KCNQ5: variants seen among roughly 807,000 people sequenced by gnomAD.
The protein encoded by KCNQ5 is potassium voltage-gated channel subfamily KQT member 5.
A neutral mutation model predicts 98.2 loss-of-function variants in KCNQ5; 30 were observed. That is an observed-to-expected ratio of 0.31 (90% CI 0.23 to 0.41). The LOEUF (loss-of-function observed/expected upper bound fraction) is 0.41, where lower values mean the gene tolerates loss of function less well. Among genes scored for constraint, KCNQ5 ranks in the 10% least tolerant of loss-of-function variants. The pLI, the probability that KCNQ5 is intolerant of heterozygous loss-of-function variation, is 1.00. For synonymous variants in KCNQ5, 458 were observed against 449.4 expected, an observed-to-expected ratio of 1.02 and a Z score of -0.24; for missense variants, 835 against 1,182.5, an observed-to-expected ratio of 0.71 and a Z score of 4.31.
At chr6:72,716,618 A>C (rs73537781) in intron 1 of KCNQ5, among the ~76,000 whole-genome samples, 16,107 of 152,228 alleles carry the variant, frequency 0.11, 1,515 homozygotes, top group African/African-American at 0.25. Context: ...CTTTTTACAC[A>C]GGTAAGACTG....
intron 1 of KCNQ5, among the ~76,000 whole-genome samples, chr6:72,867,749 G>A (rs1778045095): frequency 1.3e-5 from 2 of 151,488 alleles, no homozygotes; most frequent in African/African-American, 2.4e-5. Flanking sequence ...ACCAGCCTGA[G>A]CAACATGGCA....
rs1242801378 is a variant in KCNQ5, at chr6:72,680,181, C to G, written c.398+57594C>G. 2.0e-5 allele frequency among the ~76,000 whole-genome samples: 3 copies of G among 152,184 alleles called. No individual in the cohort carries two copies. In the East Asian group the frequency reaches 5.8e-4, roughly 29 times the overall value. On this transcript the variant is annotated intron_variant, in intron 1 of 13. Transcript: ENST00000370398. ...GAAGCCTCCTTGTCCATAAGCAGTA[C>G]TCTCCATCCCCTACCACCACCCCTT...
At chr6:72,802,542 C>T (rs1774715815) in intron 1 of KCNQ5, among the ~76,000 whole-genome samples, 1 of 152,110 alleles carries the variant, frequency 6.6e-6, no homozygotes, top group African/African-American at 2.4e-5. Flanking sequence ...CAAAGCAAAA[C>T]CCAACCTCAT....
intron 1 of KCNQ5, among the ~76,000 whole-genome samples, chr6:72,750,152 C>T (rs1771604453): frequency 6.6e-6 from 1 of 151,980 alleles, no homozygotes; most frequent in African/African-American, 2.4e-5. Flanking sequence ...AATCTGGCCA[C>T]AATGTGAGTC....
intron 12 of KCNQ5, 126 bp downstream of exon 12, chr6:73,190,830 ATTTGCTTTAAACATTGATTTTAT>A: frequency 1.1e-5 from 6 of 532,880 alleles, no homozygotes; most frequent in Admixed American, 3.5e-5. Context: ...GGCAAATGGA[ATTTGCTTTAAACATTGATTTTAT>A]TTTGCTTTTA....
chr6:73,134,673 G>C (rs1311600225), intron 10 of KCNQ5: 1 of 152,480 alleles, frequency 6.6e-6, no homozygotes, highest in African/African-American at 2.4e-5. Flanking sequence ...CCACACCCCT[G>C]TGGGTGCCAT....
intron 1 of KCNQ5, among the ~76,000 whole-genome samples, chr6:72,772,450 C>A (rs1480401265): frequency 6.6e-6 from 1 of 151,864 alleles, no homozygotes; most frequent in East Asian, 1.9e-4. Context: ...GCTTTATACA[C>A]TAAGAAGAGA....
At chr6:72,910,155 A>T (rs867736309) in intron 1 of KCNQ5, among the ~76,000 whole-genome samples, 1 of 152,198 alleles carries the variant, frequency 6.6e-6, no homozygotes, top group African/African-American at 2.4e-5. Flanking sequence ...TTGCAGGAAT[A>T]CTATTTAACC....
Position 72,729,810 on chromosome 6 carries a change from A to G in KCNQ5, c.398+107223A>G, listed in dbSNP as rs367711960. Among the ~76,000 whole-genome samples, 6 of 152,200 alleles carry G rather than the reference A, an allele frequency of 3.9e-5. No homozygotes were observed. The East Asian group carries it at 1.2e-3, about 29-fold the overall frequency. ...GAAGTTTTTGCATTTTTCTAAACAA[A>G]TTTACTTTCTTATACTGGGCCTATA... is the stretch of plus-strand genomic sequence containing the variant. On this transcript the variant is annotated intron_variant, in intron 1 of 13. Transcript: ENST00000370398.
chr6:72,785,144 G>A (rs1001118743), intron 1 of KCNQ5, among the ~76,000 whole-genome samples: 8 of 152,158 alleles, frequency 5.3e-5, no homozygotes, highest in Admixed American at 2.6e-4. Context: ...CTCTTATATC[G>A]TTGAAGACAA....
At chr6:73,078,608 C>A (rs1254081598) in intron 5 of KCNQ5, among the ~76,000 whole-genome samples, 2 of 152,258 alleles carry the variant, frequency 1.3e-5, no homozygotes, top group South Asian at 2.1e-4. Context: ...ATATTGAAAT[C>A]AATGTGCAAA....
At chr6:72,986,695 G>A in intron 1 of KCNQ5, 1 of 1,156,378 alleles carries the variant, frequency 8.6e-7, no homozygotes, top group Non-Finnish European at 1.3e-6. Context: ...TCTGTGGGGA[G>A]AAGAAAAAGA....
At chr6:72,643,996 G>T (rs555954372) in intron 1 of KCNQ5, among the ~76,000 whole-genome samples, 1 of 151,920 alleles carries the variant, frequency 6.6e-6, no homozygotes, top group East Asian at 1.9e-4. Flanking sequence ...GTATGACATG[G>T]TATAGCATGA....
At chr6:72,808,840 T>C (rs1775082988) in intron 1 of KCNQ5, among the ~76,000 whole-genome samples, 1 of 152,052 alleles carries the variant, frequency 6.6e-6, no homozygotes, top group South Asian at 2.1e-4. Flanking sequence ...TGGTGATTCC[T>C]CAGGGATCTA....
At chr6:73,034,686 G>C (rs1771309782) in intron 2 of KCNQ5, among the ~76,000 whole-genome samples, 1 of 152,112 alleles carries the variant, frequency 6.6e-6, no homozygotes, top group Admixed American at 6.5e-5. Context: ...TGGTACAGCA[G>C]AGTTATATGT....
intron 1 of KCNQ5, among the ~76,000 whole-genome samples, chr6:72,916,299 C>G (rs1450472454): frequency 9.2e-5 from 14 of 152,158 alleles, no homozygotes; most frequent in Admixed American, 5.9e-4. Flanking sequence ...CCAAGCATTA[C>G]ATGGTCATAA....
At chr6:73,048,278 G>A (rs1479853807) in intron 3 of KCNQ5, among the ~76,000 whole-genome samples, 1 of 152,188 alleles carries the variant, frequency 6.6e-6, no homozygotes, top group South Asian at 2.1e-4. Flanking sequence ...CAGCCATGAG[G>A]AGGTTTAGAC....
chr6:73,163,948 C>T lies in KCNQ5; in HGVS notation c.1469-5798C>T, dbSNP rs560138576. Among the ~76,000 whole-genome samples, 4 of 152,148 alleles carry T rather than the reference C, an allele frequency of 2.6e-5. No individual in the cohort carries two copies. The South Asian group carries it at 8.3e-4, about 32-fold the overall frequency. On this transcript the variant is annotated intron_variant, in intron 10 of 13. Coordinates refer to ENST00000370398, the MANE Select transcript of KCNQ5 (RefSeq NM_019842.4). ...TTGATTTAACCTCCCGCCATTATGA[C>T]CACTGTCACTCACTGATTAACCAAA...
chr6:72,875,454 A>G (rs1778370681), intron 1 of KCNQ5, among the ~76,000 whole-genome samples: 1 of 152,202 alleles, frequency 6.6e-6, no homozygotes, highest in African/African-American at 2.4e-5. Flanking sequence ...GAAACAACAT[A>G]TTTCATCACC....
Sources: allele counts gnomAD v4.1 joint callset (sites outside exome capture counted in the v4.1 genomes callset), GRCh38; gene constraint gnomAD v4.1.1; transcripts MANE v1.5; gene names NCBI Gene and HGNC (gene_info 2026-07-23, HGNC 2026-07-21).